DGKB: variants seen among roughly 807,000 people sequenced by gnomAD.
DGKB encodes diacylglycerol kinase beta.
In DGKB, 67 loss-of-function variants were observed where a neutral mutation model predicts 114.3. The ratio of observed to expected loss-of-function variants is 0.59; its 90% CI spans 0.48 to 0.72. The LOEUF (loss-of-function observed/expected upper bound fraction) is 0.72. Ranked by LOEUF, DGKB falls within the 30% of genes least tolerant of loss-of-function variation. DGKB has a pLI of 0.00. For missense variants in DGKB, 907 were observed against 975.2 expected, an observed-to-expected ratio of 0.93 and a Z score of 0.93; for synonymous variants, 398 against 323.1, an observed-to-expected ratio of 1.23 and a Z score of -2.49.
chr7:14,956,655 A>G (rs2115253558), intron 1 of DGKB, among the ~76,000 whole-genome samples: 1 of 152,158 alleles, frequency 6.6e-6, no homozygotes, highest in East Asian at 1.9e-4. Context: ...GCAAAATTTC[A>G]TTGTCTATAC....
intron 13 of DGKB, among the ~76,000 whole-genome samples, chr7:14,647,751 G>C (rs180963454): frequency 0.017 from 2,515 of 152,298 alleles, 69 homozygotes; most frequent in African/African-American, 0.057. Flanking sequence ...TCTCACTAGG[G>C]AGTGCCAGAC....
At chr7:14,872,982 C>T (rs1436435228) in intron 1 of DGKB, among the ~76,000 whole-genome samples, 2 of 151,934 alleles carry the variant, frequency 1.3e-5, no homozygotes, top group Non-Finnish European at 2.9e-5. Flanking sequence ...AATCATAACA[C>T]ATTAAAATGT....
At chr7:14,181,734 G>A (rs961789879) in intron 23 of DGKB, among the ~76,000 whole-genome samples, 1 of 152,162 alleles carries the variant, frequency 6.6e-6, no homozygotes, top group African/African-American at 2.4e-5. Flanking sequence ...AAATCCATTT[G>A]TGTCTATCTA....
chr7:14,766,344 G>C (rs1162767540), intron 2 of DGKB, among the ~76,000 whole-genome samples: 1 of 151,874 alleles, frequency 6.6e-6, no homozygotes, highest in African/African-American at 2.4e-5. Context: ...AGGTGTTAGT[G>C]GTGGAGTAGG....
intron 21 of DGKB, among the ~76,000 whole-genome samples, chr7:14,434,470 C>T (rs921215715): frequency 6.6e-6 from 1 of 152,024 alleles, no homozygotes; most frequent in African/African-American, 2.4e-5. Context: ...TAGAGTTATG[C>T]AATGTGAGAT....
chr7:14,770,453 G>A (rs1283883064), intron 2 of DGKB, among the ~76,000 whole-genome samples: 1 of 152,116 alleles, frequency 6.6e-6, no homozygotes, highest in Non-Finnish European at 1.5e-5. Context: ...TTGCCTGGGA[G>A]CAGTCCAGGG....
intron 17 of DGKB, among the ~76,000 whole-genome samples, chr7:14,606,884 GA>G (rs143305322): frequency 0.016 from 2,480 of 151,968 alleles, 28 homozygotes; most frequent in South Asian, 0.024. Flanking sequence ...GAAATCGTAT[GA>G]TTTTTTTCAT....
intron 23 of DGKB, among the ~76,000 whole-genome samples, chr7:14,286,076 A>T (rs1800821315): frequency 6.6e-6 from 1 of 152,126 alleles, no homozygotes; most frequent in African/African-American, 2.4e-5. Flanking sequence ...CAAAGTTTGC[A>T]ATGTCAGAAA....
At chr7:14,607,965 C>T (rs188453491) in intron 16 of DGKB, among the ~76,000 whole-genome samples, 2 of 152,050 alleles carry the variant, frequency 1.3e-5, no homozygotes, top group African/African-American at 4.8e-5. Context: ...TGAAACGGGA[C>T]TGTACATTGT....
chr7:14,345,269 A>G (rs1181702137), intron 22 of DGKB, 32 bp downstream of exon 22: 1 of 1,250,990 alleles, frequency 8.0e-7, no homozygotes, highest in Non-Finnish European at 1.1e-6. Flanking sequence ...CCATTTCATC[A>G]TATTACAAAA....
At chr7:14,626,658 T>C (rs965434658) in intron 14 of DGKB, among the ~76,000 whole-genome samples, 1 of 152,174 alleles carries the variant, frequency 6.6e-6, no homozygotes, top group East Asian at 1.9e-4. Context: ...ATTTTAATGG[T>C]TGAAGGAAAC....
At chr7:14,216,634 G>A (rs1338127582) in intron 23 of DGKB, among the ~76,000 whole-genome samples, 4 of 148,032 alleles carry the variant, frequency 2.7e-5, no homozygotes, top group Admixed American at 7.0e-5. Flanking sequence ...GCTGAAGCAG[G>A]AGAATCACTT....
chr7:14,192,633 G>C (rs1337947089), intron 23 of DGKB, among the ~76,000 whole-genome samples: 1 of 152,110 alleles, frequency 6.6e-6, no homozygotes. Flanking sequence ...CTGGTTCATG[G>C]ATGACAGTTT....
intron 23 of DGKB, among the ~76,000 whole-genome samples, chr7:14,267,184 T>C (rs905530986): frequency 2.0e-5 from 3 of 152,212 alleles, no homozygotes; most frequent in Admixed American, 6.5e-5. Flanking sequence ...AGAAGACAAA[T>C]GCCAATTTCT....
At chr7:14,174,405 AT>A (rs1781431469) in intron 25 of DGKB, among the ~76,000 whole-genome samples, 2 of 151,826 alleles carry the variant, frequency 1.3e-5, no homozygotes, top group African/African-American at 4.9e-5. Context: ...TGTACAGGAC[AT>A]TCTAAGAACT....
At chr7:14,427,482 A>G (rs1363861561) in intron 21 of DGKB, among the ~76,000 whole-genome samples, 1 of 151,974 alleles carries the variant, frequency 6.6e-6, no homozygotes, top group East Asian at 1.9e-4. Flanking sequence ...TTGCTTCCAC[A>G]TTTTTGGGTA....
intron 20 of DGKB, among the ~76,000 whole-genome samples, chr7:14,557,470 G>A (rs141825027): frequency 1.3e-5 from 2 of 151,772 alleles, no homozygotes; most frequent in East Asian, 3.9e-4. Context: ...TTATACTTCC[G>A]CTCTTTTTTT....
At chr7:14,954,172 T>C (rs931915419) in intron 1 of DGKB, among the ~76,000 whole-genome samples, 13 of 152,062 alleles carry the variant, frequency 8.5e-5, no homozygotes, top group Middle Eastern at 3.2e-3. Context: ...AACCTTGACA[T>C]CCTCTCTGTC....
At chr7:14,556,859 C>A (rs935326707) in intron 20 of DGKB, among the ~76,000 whole-genome samples, 1 of 152,124 alleles carries the variant, frequency 6.6e-6, no homozygotes, top group Non-Finnish European at 1.5e-5. Flanking sequence ...ATTGGAGAAA[C>A]TTTCCCTTTT....
Sources: allele counts gnomAD v4.1 joint callset (sites outside exome capture counted in the v4.1 genomes callset), GRCh38; gene constraint gnomAD v4.1.1; transcripts MANE v1.5; gene names NCBI Gene and HGNC (gene_info 2026-07-23, HGNC 2026-07-21).